RFX1: variants seen among roughly 807,000 people sequenced by gnomAD.
RFX1 encodes MHC class II regulatory factor RFX1.
In RFX1, 42 loss-of-function variants were observed where a neutral mutation model predicts 119.6. That is an observed-to-expected ratio of 0.35 (90% CI 0.27 to 0.45). The LOEUF (loss-of-function observed/expected upper bound fraction) is 0.45. RFX1 is among the 20% of genes least tolerant of loss of function. The probability of loss-of-function intolerance (pLI) is 1.00; values close to 1 mark genes in which losing one functional copy is unlikely to be tolerated. For missense variants in RFX1, 1,118 were observed against 1,368.1 expected (o/e 0.82, Z 2.88); for synonymous variants, 628 against 618.5 (o/e 1.02, Z -0.23).
chr19:13,970,706 A>T (rs1390701620), intron 9 of RFX1, among the ~76,000 whole-genome samples: 2 of 139,410 alleles, frequency 1.4e-5, no homozygotes, highest in East Asian at 4.4e-4. Flanking sequence ...AATTAGCAGG[A>T]CGTGGTGGCT....
intron 1 of RFX1, among the ~76,000 whole-genome samples, chr19:14,001,744 T>C (rs756540697): frequency 2.0e-4 from 31 of 152,386 alleles, no homozygotes; most frequent in Non-Finnish European, 4.0e-4. Flanking sequence ...CTCACGCCTG[T>C]AATCCCAATA....
At position 13,962,271 on chromosome 19, in the gene RFX1, G is replaced by A. The variant is rs372801609; in HGVS notation, c.*424C>T. ...AGGTGACGCCCACCTGCGCCGGCCCGGGGCTCAGGGCTGGGCCCAGGACAG... is the reference window on the plus strand; with the variant it reads ...AGGTGACGCCCACCTGCGCCGGCCCAGGGCTCAGGGCTGGGCCCAGGACAG... On this transcript the variant is annotated 3_prime_UTR_variant, in exon 21 of 21. Coordinates refer to ENST00000254325, the MANE Select transcript of RFX1 (RefSeq NM_002918.5). 17 of 175,816 alleles carry A rather than the reference G, an allele frequency of 9.7e-5. No individual in the cohort carries two copies. The East Asian group carries it at 2.2e-3, about 23-fold the overall frequency. 10.9% of individuals were successfully genotyped at this position (175,816 alleles called of 1,614,324 possible).
chr19:13,987,111 G>A (rs530398715), intron 2 of RFX1, among the ~76,000 whole-genome samples: 1 of 152,316 alleles, frequency 6.6e-6, no homozygotes, highest in Admixed American at 6.5e-5. Flanking sequence ...TGAGAGAGAA[G>A]CAGGGAAGAA....
Position 13,963,682 on chromosome 19 carries a change from T to C in RFX1, c.2426A>G (p.Lys809Arg), listed in dbSNP as rs1973795488. 1 of 1,604,864 alleles carries C rather than the reference T, an allele frequency of 6.2e-7. No homozygotes were observed. The highest frequency in any genetic ancestry group is 8.5e-7 in the Non-Finnish European group (1 of 1,177,974). The stretch of plus-strand genomic sequence containing the variant: ...CGAGTTCTGCTGCTGCAGCGTCACC[T>C]TGAAGTCCTGCTCCAGCCGCTGCAC... ...RVVQRLEQDF[K>R]VTLQQQNSLE... Residue 809 changes from lysine to arginine, a missense_variant, in exon 18 of 21, where the codon AAG becomes AGG. By Grantham distance (26) the Lys-to-Arg change is conservative. Around this residue, in one of 5 missense-constraint regions of RFX1, gnomAD observed 68 missense variants for 67.2 expected, o/e 1.01. Transcript: ENST00000254325.
At position 13,993,562 on chromosome 19, in the gene RFX1, C is replaced by T. The variant is rs763057081; in HGVS notation, c.282G>A (p.Ser94=). The T allele has an allele frequency of 2.5e-6, 4 of 1,612,738 alleles. No individual in the cohort carries two copies. The highest frequency in any genetic ancestry group is 1.3e-5 in the African/African-American group (1 of 74,838). The change falls in exon 2 of 21, where the codon TCG becomes TCA. Residue 94 remains serine (S), a synonymous_variant. Coordinates refer to ENST00000254325, the MANE Select transcript of RFX1 (RefSeq NM_002918.5). ...PSQPTGAPTP[S]PAPQQYIVVT... ...CCACGATGTACTGCTGGGGTGCAGG[C>T]GAAGGGGTGGGTGCACCGGTTGGCT...
chr19:13,962,559 C>A lies in RFX1; in HGVS notation c.*136G>T. ...GTGCCGGCCCCATAAGGGAGGAGGGCCCCGGTCTTCCCTGTCTCGGAGTCC... is the reference window on the plus strand; with the variant it reads ...GTGCCGGCCCCATAAGGGAGGAGGGACCCGGTCTTCCCTGTCTCGGAGTCC... On this transcript the variant is annotated 3_prime_UTR_variant, in exon 21 of 21. Coordinates refer to ENST00000254325, the MANE Select transcript of RFX1 (RefSeq NM_002918.5). The A allele has an allele frequency of 1.4e-6, 1 of 697,660 alleles. No homozygotes were observed. The highest frequency in any genetic ancestry group is 2.3e-6 in the Non-Finnish European group (1 of 441,958). 43.2% of individuals were successfully genotyped at this position (697,660 alleles called of 1,614,324 possible). A position where few individuals can be genotyped will look rare whatever the true frequency, so the allele number is the denominator to read the frequency against.
chr19:14,001,738 C>T (rs568311031), intron 1 of RFX1, among the ~76,000 whole-genome samples: 14 of 152,352 alleles, frequency 9.2e-5, no homozygotes, highest in East Asian at 1.9e-4. Context: ...CAGTGGCTCA[C>T]GCCTGTAATC....
intron 8 of RFX1, among the ~76,000 whole-genome samples, chr19:13,977,345 G>A (rs970007830): frequency 4.0e-5 from 6 of 151,516 alleles, no homozygotes; most frequent in African/African-American, 1.5e-4. Flanking sequence ...TAGAGTTTCT[G>A]TTCTTAGAGT....
chr19:13,990,726 AGAAT>A lies in RFX1; in HGVS notation c.319+2795_319+2798del, dbSNP rs1599509116. Among the ~76,000 whole-genome samples, 1 of 152,010 alleles carries A rather than the reference AGAAT, an allele frequency of 6.6e-6. No homozygotes were observed. Among genetic ancestry groups the A allele is most frequent in the East Asian group, 1.9e-4 (1 of 5,178 alleles). ...CAGCTACTTGGGAGGCTGAGGCAGG[AGAAT>A]GGTGTGAACCCCGGAGGCAGAGCTT... On this transcript the variant is annotated intron_variant, in intron 2 of 20. Coordinates refer to ENST00000254325, the MANE Select transcript of RFX1 (RefSeq NM_002918.5). This position sits in a 1 kb window ranked among gnomAD's most constrained non-coding sequence, Gnocchi z 4.1.
In RFX1 at chr19:13,985,750, T is replaced by C. The variant is rs1974571139; in HGVS notation, c.320-2155A>G. 6.6e-6 allele frequency among the ~76,000 whole-genome samples: 1 copy of C among 152,100 alleles called. No homozygotes were observed. Among genetic ancestry groups the C allele is most frequent in the Non-Finnish European group, 1.5e-5 (1 of 68,002 alleles). On this transcript the variant is annotated intron_variant, in intron 2 of 20. Coordinates refer to ENST00000254325, the MANE Select transcript of RFX1 (RefSeq NM_002918.5). This position sits in a 1 kb window ranked among gnomAD's most constrained non-coding sequence, Gnocchi z 4.3. ...CGGGGACCCCTCAAAGTCTGAAGTATCCAGACTGGGTCTCGGCTGTCCAGG... is the reference window on the plus strand; with the variant it reads ...CGGGGACCCCTCAAAGTCTGAAGTACCCAGACTGGGTCTCGGCTGTCCAGG...
chr19:14,003,567 C>T (rs1222003710), intron 1 of RFX1, among the ~76,000 whole-genome samples: 1 of 152,202 alleles, frequency 6.6e-6, no homozygotes, highest in Non-Finnish European at 1.5e-5. Context: ...AACATAACTA[C>T]ATTAGCAATT....
chr19:13,975,910 A>C (rs1257474566), intron 8 of RFX1, among the ~76,000 whole-genome samples: 1 of 152,232 alleles, frequency 6.6e-6, no homozygotes, highest in Non-Finnish European at 1.5e-5. Context: ...GTGGCCCCCA[A>C]CAACTTCTCG....
At chr19:14,001,111 T>G (rs1309761717) in intron 1 of RFX1, among the ~76,000 whole-genome samples, 1 of 152,032 alleles carries the variant, frequency 6.6e-6, no homozygotes, top group East Asian at 1.9e-4. Context: ...CATTCCTGCC[T>G]CTCATGGCCT....
chr19:13,965,104 C>T lies in RFX1; in HGVS notation c.2211+345G>A, dbSNP rs1336542869. Among the ~76,000 whole-genome samples the T allele has an allele frequency of 6.6e-6, 1 of 152,194 alleles. No individual in the cohort carries two copies. Among genetic ancestry groups the T allele is most frequent in the Non-Finnish European group, 1.5e-5 (1 of 68,030 alleles). On this transcript the variant is annotated intron_variant, in intron 16 of 20. Transcript: ENST00000254325. This position sits in a 1 kb window ranked among gnomAD's most constrained non-coding sequence, Gnocchi z 4.7. ...TATGTTTCCTTATAGATGTTGTTGC[C>T]TTTCTTAAAAAGTTTTATCTGTTTC...
chr19:13,978,360 T>C (rs1453321012), intron 7 of RFX1, among the ~76,000 whole-genome samples: 3 of 151,566 alleles, frequency 2.0e-5, no homozygotes, highest in African/African-American at 7.3e-5. Flanking sequence ...GGTCCTGTAG[T>C]GGGCGTGAAG....
rs1599483828 is a variant in RFX1 at position 13,972,808 on chromosome 19, C to G, written c.1249G>C (p.Gly417Arg). 1.2e-6 allele frequency: 2 copies of G among 1,607,844 alleles called. No homozygotes were observed. Among genetic ancestry groups the G allele is most frequent in the African/African-American group, 1.3e-5 (1 of 74,798 alleles). ...CTGGCACTGCCCAGCATGTAGCCGC[C>G]TTGGATCACGTAGGTGCCTGCTCCG... ...GSGAGTYVIQ[G>R]GYMLGSASQS... The change falls in exon 9 of 21, where the codon GGC (glycine) becomes CGC (arginine). Residue 417 changes from glycine to arginine, a missense_variant. Physicochemically the swap from Gly to Arg is moderately radical, Grantham distance 125. This residue lies in a region of RFX1 where 542 missense variants were observed against 602.7 expected (regional missense o/e 0.90). Coordinates refer to ENST00000254325, the MANE Select transcript of RFX1 (RefSeq NM_002918.5).
chr19:13,991,804 G>C (rs1224592237), intron 2 of RFX1, among the ~76,000 whole-genome samples: 1 of 152,134 alleles, frequency 6.6e-6, no homozygotes, highest in African/African-American at 2.4e-5. Context: ...TGGCATTACA[G>C]GTTCGCGCCA....
chr19:13,973,216 A>G, intron 8 of RFX1, 89 bp from the exon 9 acceptor site: 23 of 853,062 alleles, frequency 2.7e-5, no homozygotes, highest in East Asian at 6.5e-5. Context: ...GGGTCCTAGG[A>G]GGGGACTGGG....
At chr19:13,992,455 C>A (rs181019044) in intron 2 of RFX1, among the ~76,000 whole-genome samples, 1 of 152,216 alleles carries the variant, frequency 6.6e-6, no homozygotes, top group Admixed American at 6.5e-5. Context: ...AGATGGCCTG[C>A]TCTCAACACA....
Sources: allele counts gnomAD v4.1 joint callset (sites outside exome capture counted in the v4.1 genomes callset), GRCh38; gene constraint gnomAD v4.1.1; regional missense constraint gnomAD v4.1.1; non-coding constraint Gnocchi (gnomAD v3.1); transcripts MANE v1.5; gene names NCBI Gene and HGNC (gene_info 2026-07-23, HGNC 2026-07-21).